GULP1: variants seen among roughly 807,000 people sequenced by gnomAD.
GULP1 encodes the protein PTB domain-containing engulfment adapter protein 1.
In GULP1, 19 loss-of-function variants were observed where a neutral mutation model predicts 40.9. The observed-to-expected ratio is 0.46, with a 90% CI of 0.32 to 0.68. GULP1 has a LOEUF of 0.68. Among genes scored for constraint, GULP1 ranks in the 30% least tolerant of loss-of-function variants. GULP1 has a pLI of 0.03. For synonymous variants in GULP1, 119 were observed against 117.6 expected, an observed-to-expected ratio of 1.01 and a Z score of -0.08; for missense variants, 312 against 362.2, an observed-to-expected ratio of 0.86 and a Z score of 1.12.
intron 5 of GULP1, among the ~76,000 whole-genome samples, chr2:188,523,435 C>T (rs1486584718): frequency 6.6e-6 from 1 of 152,170 alleles, no homozygotes; most frequent in African/African-American, 2.4e-5. Flanking sequence ...ATGCTACACA[C>T]CATGTTTTTC....
At chr2:188,386,910 A>T (rs1190619404) in intron 2 of GULP1, among the ~76,000 whole-genome samples, 6 of 152,320 alleles carry the variant, frequency 3.9e-5, no homozygotes, top group Admixed American at 6.5e-5. Context: ...ATTCAGCAAT[A>T]TATTCCCTTA....
intron 2 of GULP1, among the ~76,000 whole-genome samples, chr2:188,466,291 T>G (rs560171889): frequency 6.8e-6 from 1 of 147,462 alleles, no homozygotes; most frequent in East Asian, 2.0e-4. Context: ...TGGTTTTTTT[T>G]TCCCCCCCCG....
At chr2:188,553,675 G>T (rs916356926) in intron 7 of GULP1, among the ~76,000 whole-genome samples, 6 of 151,980 alleles carry the variant, frequency 3.9e-5, no homozygotes, top group East Asian at 1.9e-4. Context: ...TGGCCTTATA[G>T]AATGAGTTAA....
rs1229112354 is a variant in GULP1, at chr2:188,309,671, T to C, written c.-172+17505T>C. Among the ~76,000 whole-genome samples the C allele has an allele frequency of 7.2e-5, 11 of 152,032 alleles. No homozygotes were observed. The East Asian group carries it at 2.1e-3, about 29-fold the overall frequency. On this transcript the variant is annotated intron_variant, in intron 1 of 11. Transcript: ENST00000409830. The stretch of plus-strand genomic sequence containing the variant: ...CATAGCTTGTCTGTAGCTTAAGACA[T>C]TGAGAGAAAAAAAATTTTAAGTCCA...
chr2:188,370,808 T>C (rs1308122841), intron 1 of GULP1, among the ~76,000 whole-genome samples: 1 of 152,118 alleles, frequency 6.6e-6, no homozygotes, highest in Non-Finnish European at 1.5e-5. Context: ...TGAGGGGGGA[T>C]TGTCTTTAAG....
At chr2:188,454,844 C>G (rs1197982121) in intron 2 of GULP1, among the ~76,000 whole-genome samples, 1 of 152,172 alleles carries the variant, frequency 6.6e-6, no homozygotes, top group Non-Finnish European at 1.5e-5. Flanking sequence ...AAACCTTCGG[C>G]TGGGCATGGA....
intron 6 of GULP1, 139 bp from the exon 7 acceptor site, chr2:188,541,042 G>A (rs1690342818): frequency 2.8e-6 from 2 of 702,502 alleles, no homozygotes; most frequent in East Asian, 5.4e-5. Flanking sequence ...TTTTAGGTTG[G>A]GGTGTACATA....
At chr2:188,560,165 GC>G (rs1293108995) in intron 7 of GULP1, among the ~76,000 whole-genome samples, 3 of 152,096 alleles carry the variant, frequency 2.0e-5, no homozygotes, top group African/African-American at 7.2e-5. Flanking sequence ...TAATTTCTTT[GC>G]TTATGCATAT....
intron 11 of GULP1, chr2:188,591,643 A>G (rs948548802): frequency 6.6e-6 from 1 of 151,798 alleles, no homozygotes; most frequent in Non-Finnish European, 1.5e-5. Flanking sequence ...GTCTGCAAAG[A>G]TGAAAAGAGG....
At chr2:188,541,111 C>A in intron 6 of GULP1, 70 bp from the exon 7 acceptor site, 2 of 1,313,746 alleles carry the variant, frequency 1.5e-6, no homozygotes, top group Non-Finnish European at 2.2e-6. Flanking sequence ...ATGTTATTAA[C>A]ACAAACGAGT....
At chr2:188,504,791 T>A (rs1047093682) in intron 4 of GULP1, among the ~76,000 whole-genome samples, 10 of 151,890 alleles carry the variant, frequency 6.6e-5, no homozygotes, top group African/African-American at 2.4e-4. Flanking sequence ...TAATCAACAG[T>A]GAATCATAAG....
chr2:188,385,419 GAAAT>G (rs1298762028), intron 2 of GULP1, among the ~76,000 whole-genome samples: 1 of 152,078 alleles, frequency 6.6e-6, no homozygotes, highest in Non-Finnish European at 1.5e-5. Flanking sequence ...CCTGGGCCAG[GAAAT>G]CATTTTTTCC....
intron 4 of GULP1, among the ~76,000 whole-genome samples, chr2:188,496,784 G>T (rs2062936723): frequency 2.6e-5 from 4 of 151,946 alleles, no homozygotes; most frequent in Admixed American, 2.6e-4. Context: ...GAGGTTATTA[G>T]ATCATGGGGG....
intron 2 of GULP1, among the ~76,000 whole-genome samples, chr2:188,421,280 C>T (rs1240530333): frequency 1.3e-5 from 2 of 152,022 alleles, no homozygotes; most frequent in Non-Finnish European, 2.9e-5. Flanking sequence ...AATTCGTCAA[C>T]AATAAATTTA....
chr2:188,312,170 T>C (rs1237789164), intron 1 of GULP1, among the ~76,000 whole-genome samples: 3 of 152,094 alleles, frequency 2.0e-5, no homozygotes, highest in South Asian at 4.1e-4. Flanking sequence ...TTAGAAAATA[T>C]CTAAGACTAT....
In GULP1 at chr2:188,318,425, A is replaced by G. The variant is rs372647424; in HGVS notation, c.-172+26259A>G. Among the ~76,000 whole-genome samples the G allele has an allele frequency of 1.1e-4, 16 of 152,252 alleles. No homozygotes were observed. The South Asian group carries it at 1.5e-3, about 14-fold the overall frequency. On this transcript the variant is annotated intron_variant, in intron 1 of 11. Coordinates refer to ENST00000409830, the MANE Select transcript of GULP1 (RefSeq NM_016315.4). The stretch of plus-strand genomic sequence containing the variant: ...TGTCAATAAAATTCCCAGAGTAACA[A>G]TGGTGTGCTGATGGTATTCAATTGT...
intron 2 of GULP1, among the ~76,000 whole-genome samples, chr2:188,431,523 T>C (rs2056872735): frequency 1.3e-5 from 2 of 152,106 alleles, no homozygotes; most frequent in African/African-American, 4.8e-5. Flanking sequence ...TCACGAAGAG[T>C]AATTGTAAAA....
rs139506076 is a variant in GULP1, at chr2:188,559,327, C to T, written c.400-9912C>T. On this transcript the variant is annotated intron_variant, in intron 7 of 11. Transcript: ENST00000409830. ...AAGCCCCAAGCCTTGGCAGCATCCACGTCGTTTTGGACCTCCACAGAAGTC... is the reference window on the plus strand; with the variant it reads ...AAGCCCCAAGCCTTGGCAGCATCCATGTCGTTTTGGACCTCCACAGAAGTC... 3.6e-3 allele frequency among the ~76,000 whole-genome samples: 542 copies of T among 152,334 alleles called. 3 individuals carry two copies. The highest frequency in any genetic ancestry group is 0.013 in the African/African-American group (520 of 41,572).
chr2:188,418,230 A>G (rs995888749), intron 2 of GULP1, among the ~76,000 whole-genome samples: 2 of 152,152 alleles, frequency 1.3e-5, no homozygotes, highest in Non-Finnish European at 2.9e-5. Flanking sequence ...GTTTGCCAAA[A>G]TATTTACAAT....
Sources: gnomAD v4.1 joint callset for allele counts (sites outside exome capture counted in the v4.1 genomes callset) on GRCh38, gnomAD v4.1.1 for gene constraint, MANE v1.5 for transcripts, NCBI Gene and HGNC (gene_info 2026-07-23, HGNC 2026-07-21) for gene names.